TSHZ3: variants seen among roughly 807,000 people sequenced by gnomAD.
TSHZ3 encodes teashirt zinc finger homeobox 3.
Under a neutral mutation model 64.5 loss-of-function variants are expected in TSHZ3, and 10 were observed. The ratio of observed to expected loss-of-function variants is 0.16; its 90% confidence interval spans 0.10 to 0.26. The LOEUF (loss-of-function observed/expected upper bound fraction) is 0.26. Among genes scored for constraint, TSHZ3 ranks in the 10% least tolerant of loss-of-function variants. TSHZ3 has a pLI of 1.00. For missense variants in TSHZ3, 1,242 were observed against 1,421.7 expected (o/e 0.87, Z 2.03); for synonymous variants, 608 against 593.1 (o/e 1.03, Z -0.36).
At chr19:31,158,937 A>T (rs1450312929) in intron 5 of TSHZ3, among the ~76,000 whole-genome samples, 2 of 152,106 alleles carry the variant, frequency 1.3e-5, no homozygotes, top group African/African-American at 4.8e-5. Flanking sequence ...AATACAGATG[A>T]CACTTCACTC....
intron 1 of TSHZ3, among the ~76,000 whole-genome samples, chr19:31,329,791 C>T (rs1917025699): frequency 2.6e-5 from 4 of 152,148 alleles, no homozygotes. Flanking sequence ...CTCTTCACTC[C>T]ACAGTTCCCC....
intron 1 of TSHZ3, among the ~76,000 whole-genome samples, chr19:31,332,454 G>A (rs1312101780): frequency 6.6e-6 from 1 of 152,146 alleles, no homozygotes; most frequent in Non-Finnish European, 1.5e-5. Context: ...GATAGAAACT[G>A]AGATCACATT....
At chr19:31,285,279 A>G (rs1976436860) in intron 1 of TSHZ3, among the ~76,000 whole-genome samples, 1 of 152,148 alleles carries the variant, frequency 6.6e-6, no homozygotes, top group Admixed American at 6.5e-5. Context: ...CAGGAATTCA[A>G]GACCAGCCTG....
At chr19:31,247,597 G>A (rs1435819655) in intron 1 of TSHZ3, among the ~76,000 whole-genome samples, 3 of 152,170 alleles carry the variant, frequency 2.0e-5, no homozygotes, top group African/African-American at 4.8e-5. Flanking sequence ...GGCAACTCAC[G>A]ATCTGTGATT....
chr19:31,227,227 G>A (rs552835134), intron 4 of TSHZ3, among the ~76,000 whole-genome samples: 88 of 151,738 alleles, frequency 5.8e-4, no homozygotes, highest in Admixed American at 9.9e-4. Context: ...CCACCCACCC[G>A]TCTCAGCCTC....
chr19:31,244,684 C>T (rs994855748), intron 1 of TSHZ3, among the ~76,000 whole-genome samples: 1 of 152,110 alleles, frequency 6.6e-6, no homozygotes, highest in African/African-American at 2.4e-5. Context: ...GGCTCTGTCC[C>T]CCAGGCTGGA....
At chr19:31,201,320 G>C (rs756971242) in intron 5 of TSHZ3, among the ~76,000 whole-genome samples, 1 of 152,056 alleles carries the variant, frequency 6.6e-6, no homozygotes. Flanking sequence ...CAATCTCTTC[G>C]TGTTGATTAA....
chr19:31,165,419 T>C (rs919907264), intron 5 of TSHZ3, among the ~76,000 whole-genome samples: 1 of 152,136 alleles, frequency 6.6e-6, no homozygotes, highest in Non-Finnish European at 1.5e-5. Flanking sequence ...AAAATTTTCT[T>C]TTGCAAAAAG....
At chr19:31,235,585 T>TC (rs1555728669) in intron 3 of TSHZ3, among the ~76,000 whole-genome samples, 5 of 139,872 alleles carry the variant, frequency 3.6e-5, no homozygotes, top group African/African-American at 1.5e-4. Context: ...TCCTTCTCTT[T>TC]TTTCTTTCTT....
intron 1 of TSHZ3, among the ~76,000 whole-genome samples, chr19:31,344,958 G>T (rs1164957422): frequency 6.6e-6 from 1 of 152,212 alleles, no homozygotes; most frequent in Admixed American, 6.5e-5. Flanking sequence ...GCAAAACTGA[G>T]AACAAAATGA....
At chr19:31,213,356 C>CAAAAAA (rs35192337) in intron 4 of TSHZ3, among the ~76,000 whole-genome samples, 565 of 23,296 alleles carry the variant, frequency 0.024, 209 homozygotes, top group Admixed American at 0.036. Context: ...GACTCTGTCT[C>CAAAAAA]AAAAAAAAAA....
At chr19:31,345,250 G>A (rs369696366) in intron 1 of TSHZ3, among the ~76,000 whole-genome samples, 3 of 152,210 alleles carry the variant, frequency 2.0e-5, no homozygotes, top group Admixed American at 6.5e-5. Context: ...TTGCTACAGA[G>A]TAGAATACCT....
chr19:31,330,056 C>T (rs971522438), intron 1 of TSHZ3, among the ~76,000 whole-genome samples: 2 of 151,868 alleles, frequency 1.3e-5, no homozygotes, highest in African/African-American at 4.8e-5. Flanking sequence ...ACTGTAATAT[C>T]AGCTTTTTTG....
chr19:31,216,544 G>T (rs1330691296), intron 4 of TSHZ3, among the ~76,000 whole-genome samples: 1 of 151,962 alleles, frequency 6.6e-6, no homozygotes, highest in Non-Finnish European at 1.5e-5. Context: ...CACCTCCCTG[G>T]CTCAAGCAGT....
intron 4 of TSHZ3, among the ~76,000 whole-genome samples, chr19:31,223,402 G>GTGTA (rs3030227): frequency 2.0e-4 from 29 of 145,770 alleles, no homozygotes; most frequent in African/African-American, 6.8e-4. Context: ...GTGTGTGTGT[G>GTGTA]ACAGAGAGAG....
At chr19:31,319,851 G>A (rs1422987726) in intron 1 of TSHZ3, among the ~76,000 whole-genome samples, 3 of 151,472 alleles carry the variant, frequency 2.0e-5, no homozygotes, top group Admixed American at 6.6e-5. Context: ...TTCATTAGCT[G>A]AATGACATAT....
chr19:31,283,640 C>G (rs533455560), intron 1 of TSHZ3, among the ~76,000 whole-genome samples: 2 of 152,162 alleles, frequency 1.3e-5, no homozygotes, highest in Non-Finnish European at 2.9e-5. Flanking sequence ...CGTCCTTCCT[C>G]GGCTACATGT....
intron 1 of TSHZ3, among the ~76,000 whole-genome samples, chr19:31,293,613 C>T (rs528423635): frequency 2.6e-5 from 4 of 152,314 alleles, no homozygotes; most frequent in Admixed American, 2.0e-4. Flanking sequence ...TCTTTAATTT[C>T]TGTGATGAGA....
chr19:31,272,913 AC>A (rs1187794538), downstream of TSHZ3, among the ~76,000 whole-genome samples: 1 of 152,052 alleles, frequency 6.6e-6, no homozygotes, highest in Non-Finnish European at 1.5e-5. Flanking sequence ...TCCTCCCTGC[AC>A]CCATTTAAAG....
Sources: allele counts gnomAD v4.1 joint callset (sites outside exome capture counted in the v4.1 genomes callset), GRCh38; gene constraint gnomAD v4.1.1; transcripts MANE v1.5; gene names NCBI Gene and HGNC (gene_info 2026-07-23, HGNC 2026-07-21).